The following NR6A1 variants were observed in gnomAD, a reference collection of about 807,000 sequenced individuals.
The protein encoded by NR6A1 is retinoic acid receptor-related testis-associated receptor.
A neutral mutation model predicts 59.1 loss-of-function variants in NR6A1; 7 were observed. The observed-to-expected ratio is 0.12, with a 90% CI of 0.07 to 0.22. The LOEUF (loss-of-function observed/expected upper bound fraction) is 0.22. Among genes scored for constraint, NR6A1 ranks in the 10% least tolerant of loss-of-function variants. NR6A1 has a pLI of 1.00. For synonymous variants in NR6A1, 243 were observed against 236.1 expected, an observed-to-expected ratio of 1.03 and a Z score of -0.27; for missense variants, 468 against 611.6, an observed-to-expected ratio of 0.77 and a Z score of 2.48.
At chr9:124,643,684 G>A (rs1365226974) in intron 2 of NR6A1, among the ~76,000 whole-genome samples, 1 of 147,594 alleles carries the variant, frequency 6.8e-6, no homozygotes, top group Non-Finnish European at 1.5e-5. Context: ...AGGATTGCTT[G>A]AGCCCATGAG....
chr9:124,752,411 G>C (rs1015149294), intron 1 of NR6A1, among the ~76,000 whole-genome samples: 1 of 151,758 alleles, frequency 6.6e-6, no homozygotes, highest in Non-Finnish European at 1.5e-5. Flanking sequence ...TATAATCTAG[G>C]CTTCAATTAT....
At chr9:124,567,611 AAAAC>A (rs1240809823) in intron 2 of NR6A1, among the ~76,000 whole-genome samples, 5 of 152,136 alleles carry the variant, frequency 3.3e-5, no homozygotes, top group East Asian at 1.9e-4. Context: ...ACAAAAAGGA[AAAAC>A]AAACAAACAA....
At chr9:124,730,556 T>G (rs1839851920) in intron 2 of NR6A1, among the ~76,000 whole-genome samples, 1 of 35,276 alleles carries the variant, frequency 2.8e-5, no homozygotes, top group African/African-American at 9.6e-5. Context: ...TTTTTTAGTC[T>G]TTTTTTTTTT....
intron 2 of NR6A1, among the ~76,000 whole-genome samples, chr9:124,691,515 C>T (rs1838542785): frequency 6.6e-6 from 1 of 152,116 alleles, no homozygotes; most frequent in Admixed American, 6.6e-5. Flanking sequence ...TCTGAAGATT[C>T]ATATTATTAA....
At chr9:124,611,749 T>TAGAGAGAGAG (rs34197337) in intron 2 of NR6A1, among the ~76,000 whole-genome samples, 90 of 91,426 alleles carry the variant, frequency 9.8e-4, no homozygotes, top group South Asian at 2.4e-3. Context: ...GACCCTGTCT[T>TAGAGAGAGAG]AGAGAGAGAG....
chr9:124,760,039 C>CA (rs1174587797), intron 1 of NR6A1, among the ~76,000 whole-genome samples: 1,584 of 97,026 alleles, frequency 0.016, 13 homozygotes, highest in South Asian at 0.043. Context: ...GACTCCATCT[C>CA]AAAAAAAAAA....
At chr9:124,703,953 TG>T (rs1267461365) in intron 2 of NR6A1, among the ~76,000 whole-genome samples, 1 of 152,206 alleles carries the variant, frequency 6.6e-6, no homozygotes, top group Non-Finnish European at 1.5e-5. Context: ...AGTAAGCCAC[TG>T]CACCCAGCAT....
chr9:124,604,589 G>A (rs9657679), intron 2 of NR6A1, among the ~76,000 whole-genome samples: 2,711 of 152,156 alleles, frequency 0.018, 82 homozygotes, highest in African/African-American at 0.062. Context: ...CGGGTAGATC[G>A]TTTGAGTCCA....
chr9:124,721,296 A>G (rs897664272), intron 2 of NR6A1, among the ~76,000 whole-genome samples: 10 of 152,158 alleles, frequency 6.6e-5, no homozygotes, highest in African/African-American at 2.4e-4. Context: ...ATAAACTCAA[A>G]TAGGGGCAGA....
At chr9:124,731,517 G>T (rs544524632) in intron 2 of NR6A1, among the ~76,000 whole-genome samples, 1 of 150,900 alleles carries the variant, frequency 6.6e-6, no homozygotes, top group Non-Finnish European at 1.5e-5. Context: ...CCACTTCTAC[G>T]CAGACTTTTT....
chr9:124,624,979 G>T (rs74863677), intron 2 of NR6A1, among the ~76,000 whole-genome samples: 1,550 of 149,212 alleles, frequency 0.01, 27 homozygotes, highest in African/African-American at 0.037. Flanking sequence ...AAATCTTTAG[G>T]TTCTGCCAAT....
intron 2 of NR6A1, among the ~76,000 whole-genome samples, chr9:124,566,273 T>C (rs970884266): frequency 6.6e-6 from 1 of 152,156 alleles, no homozygotes; most frequent in Non-Finnish European, 1.5e-5. Flanking sequence ...AGTACGGTGG[T>C]AGGGAGAAGC....
At chr9:124,549,702 T>C (rs1421807248) in intron 3 of NR6A1, among the ~76,000 whole-genome samples, 49 of 152,212 alleles carry the variant, frequency 3.2e-4, no homozygotes, top group Admixed American at 3.1e-3. Flanking sequence ...TTTTTAAATT[T>C]TGAGGTAAGT....
chr9:124,633,330 G>A (rs529628936), intron 2 of NR6A1, among the ~76,000 whole-genome samples: 16 of 150,904 alleles, frequency 1.1e-4, no homozygotes, highest in African/African-American at 3.9e-4. Context: ...GTGAACCCGG[G>A]AGGCGGAGCT....
chr9:124,680,483 A>T (rs1838114648), intron 2 of NR6A1, among the ~76,000 whole-genome samples: 1 of 152,224 alleles, frequency 6.6e-6, no homozygotes, highest in African/African-American at 2.4e-5. Flanking sequence ...CACACACAAA[A>T]AAAACGGAGT....
intron 2 of NR6A1, among the ~76,000 whole-genome samples, chr9:124,682,645 A>T (rs1838203526): frequency 6.6e-6 from 1 of 152,218 alleles, no homozygotes; most frequent in Non-Finnish European, 1.5e-5. Context: ...TAATCTTTAA[A>T]TGAATTAAAA....
chr9:124,660,367 A>G (rs952833166), intron 2 of NR6A1, among the ~76,000 whole-genome samples: 1 of 152,244 alleles, frequency 6.6e-6, no homozygotes, highest in African/African-American at 2.4e-5. Flanking sequence ...TGGTCAGCCT[A>G]CGAGTTAATC....
At chr9:124,525,643 C>A (rs961500125) in intron 8 of NR6A1, among the ~76,000 whole-genome samples, 2 of 152,036 alleles carry the variant, frequency 1.3e-5, no homozygotes, top group South Asian at 2.1e-4. Flanking sequence ...AGGCATGAGC[C>A]ACTGTGCCTG....
chr9:124,739,392 T>C (rs1006148918), intron 1 of NR6A1, among the ~76,000 whole-genome samples: 1 of 152,226 alleles, frequency 6.6e-6, no homozygotes, highest in Non-Finnish European at 1.5e-5. Context: ...CAAATGGCTC[T>C]AAGTCTAGGA....
Sources: gnomAD v4.1 joint callset for allele counts (sites outside exome capture counted in the v4.1 genomes callset) on GRCh38, gnomAD v4.1.1 for gene constraint, MANE v1.5 for transcripts, NCBI Gene and HGNC (gene_info 2026-07-23, HGNC 2026-07-21) for gene names.